Variants in CDH8 observed in about 807,000 individuals in gnomAD.
CDH8 encodes cadherin 8, also known as cadherin-8.
Under a neutral mutation model 68.1 loss-of-function variants are expected in CDH8, and 17 were observed. The ratio of observed to expected loss-of-function variants is 0.25; its 90% confidence interval spans 0.17 to 0.37. The LOEUF is 0.37. Ranked by LOEUF, CDH8 falls within the 10% of genes least tolerant of loss-of-function variation. The pLI is 1.00. For synonymous variants in CDH8, 372 were observed against 365.1 expected (o/e 1.02, Z -0.21); for missense variants, 763 against 999.3 (o/e 0.76, Z 3.19).
intron 8 of CDH8, among the ~76,000 whole-genome samples, chr16:61,762,303 T>C (rs1372215557): frequency 6.6e-6 from 1 of 152,204 alleles, no homozygotes; most frequent in East Asian, 1.9e-4. Flanking sequence ...TATTGTACTA[T>C]ATAGTTTTGT....
At chr16:61,977,798 G>T (rs923422394) in intron 2 of CDH8, among the ~76,000 whole-genome samples, 4 of 152,138 alleles carry the variant, frequency 2.6e-5, no homozygotes. Flanking sequence ...CAACCATGGA[G>T]AAATTGTATT....
chr16:62,007,519 T>C (rs1265296691), intron 2 of CDH8, among the ~76,000 whole-genome samples: 2 of 152,194 alleles, frequency 1.3e-5, no homozygotes, highest in Non-Finnish European at 2.9e-5. Context: ...TTGTTCCGAC[T>C]TCATGCCAAG....
chr16:61,835,312 TA>T (rs1597006482), intron 4 of CDH8, among the ~76,000 whole-genome samples: 1 of 152,020 alleles, frequency 6.6e-6, no homozygotes, highest in East Asian at 1.9e-4. Context: ...ATTCTTAGAC[TA>T]AAAAAACTAC....
At chr16:61,660,028 T>C (rs997240249) in intron 10 of CDH8, among the ~76,000 whole-genome samples, 6 of 152,078 alleles carry the variant, frequency 3.9e-5, no homozygotes, top group Non-Finnish European at 7.4e-5. Context: ...GCCCAAACAA[T>C]TGTAATTCTA....
At chr16:61,694,866 C>T (rs1285752815) in intron 10 of CDH8, among the ~76,000 whole-genome samples, 2 of 152,006 alleles carry the variant, frequency 1.3e-5, no homozygotes, top group Non-Finnish European at 2.9e-5. Context: ...ACTGCAACCT[C>T]CACCTCCTGG....
chr16:62,018,830 AT>A lies in CDH8; in HGVS notation c.252+2321del, dbSNP rs540726299. Among the ~76,000 whole-genome samples the A allele has an allele frequency of 3.6e-3, 546 of 152,332 alleles. 4 individuals carry two copies. Among genetic ancestry groups the A allele is most frequent in the African/African-American group, 0.012 (519 of 41,578 alleles). ...AAGGTTCACTGGCAACATTTCTGTCATTCAGAGAAGCATGAACGTCTCACGT... is the reference window on the plus strand; with the variant it reads ...AAGGTTCACTGGCAACATTTCTGTCATCAGAGAAGCATGAACGTCTCACGT... On this transcript the variant is annotated intron_variant, in intron 2 of 11. Coordinates refer to ENST00000577390, the MANE Select transcript of CDH8 (RefSeq NM_001796.5).
intron 5 of CDH8, 66 bp downstream of exon 5, chr16:61,824,946 T>G: frequency 7.3e-7 from 1 of 1,372,894 alleles, no homozygotes; most frequent in South Asian, 1.3e-5. Flanking sequence ...TCACTAAAAA[T>G]TATAATATAA....
intron 8 of CDH8, among the ~76,000 whole-genome samples, chr16:61,766,077 T>G (rs1197606631): frequency 6.6e-6 from 1 of 151,906 alleles, no homozygotes; most frequent in Non-Finnish European, 1.5e-5. Flanking sequence ...AAGATTTTAG[T>G]GCAACCATCA....
chr16:61,991,381 T>C (rs1965718611), intron 2 of CDH8, among the ~76,000 whole-genome samples: 1 of 152,186 alleles, frequency 6.6e-6, no homozygotes, highest in Admixed American at 6.5e-5. Flanking sequence ...GCATCAGGAA[T>C]GTAAGTGATC....
intron 8 of CDH8, among the ~76,000 whole-genome samples, chr16:61,753,386 T>G (rs1960223598): frequency 6.6e-6 from 1 of 151,984 alleles, no homozygotes; most frequent in Non-Finnish European, 1.5e-5. Flanking sequence ...ACTACAGGCA[T>G]GTGCCACCAC....
intron 8 of CDH8, among the ~76,000 whole-genome samples, chr16:61,733,008 A>G (rs1368054469): frequency 6.6e-6 from 1 of 151,848 alleles, no homozygotes; most frequent in Non-Finnish European, 1.5e-5. Flanking sequence ...ATGAATATAT[A>G]CTTTCACTCC....
intron 4 of CDH8, among the ~76,000 whole-genome samples, chr16:61,849,730 A>G (rs1217059645): frequency 6.6e-6 from 1 of 152,026 alleles, no homozygotes; most frequent in African/African-American, 2.4e-5. Context: ...CAAACTTTCA[A>G]CTCCAAATCC....
chr16:61,858,519 T>C (rs1309984553), intron 3 of CDH8, among the ~76,000 whole-genome samples: 2 of 152,164 alleles, frequency 1.3e-5, no homozygotes, highest in African/African-American at 4.8e-5. Context: ...CTTTACTCAT[T>C]GAATAAATGG....
At chr16:61,987,966 C>G (rs1402283520) in intron 2 of CDH8, among the ~76,000 whole-genome samples, 4 of 152,116 alleles carry the variant, frequency 2.6e-5, no homozygotes, top group Non-Finnish European at 5.9e-5. Flanking sequence ...AATTATGTTT[C>G]TGGTAAATCG....
At chr16:61,726,804 G>A (rs1724629693) in intron 9 of CDH8, 2 of 427,898 alleles carry the variant, frequency 4.7e-6, no homozygotes, top group Non-Finnish European at 8.2e-6. Context: ...GTCACTCTAA[G>A]ACATCTCCTG....
At chr16:61,856,752 C>T (rs977757915) in intron 4 of CDH8, among the ~76,000 whole-genome samples, 8 of 152,128 alleles carry the variant, frequency 5.3e-5, no homozygotes, top group Admixed American at 2.6e-4. Context: ...ACCCATTTTA[C>T]AGATGTGCAA....
intron 4 of CDH8, among the ~76,000 whole-genome samples, chr16:61,830,704 G>A (rs141035181): frequency 2.6e-5 from 4 of 151,764 alleles, no homozygotes; most frequent in East Asian, 2.0e-4. Context: ...CCATTACACC[G>A]GTGCGGCGAC....
Position 61,647,555 on chromosome 16 carries a change from T to A in CDH8, c.*6053A>T. 1 of 475,670 alleles carries A rather than the reference T, an allele frequency of 2.1e-6. No individual in the cohort carries two copies. The highest frequency in any genetic ancestry group is 3.7e-6 in the Non-Finnish European group (1 of 268,030). 29.5% of individuals were successfully genotyped at this position (475,670 alleles called of 1,614,324 possible). ...AAATCTTCCTCTTATTTGTGAGGGA[T>A]CATAGGATGGCCTGAAGTTCTTTGC... On this transcript the variant is annotated 3_prime_UTR_variant, in exon 12 of 12. Transcript: ENST00000577390.
chr16:61,976,244 C>G lies in CDH8; in HGVS notation c.252+44908G>C, dbSNP rs533881752. 2.0e-4 allele frequency among the ~76,000 whole-genome samples: 31 copies of G among 152,326 alleles called. 1 individual carries two copies. In the East Asian group the frequency reaches 6.0e-3, roughly 29 times the overall value. On this transcript the variant is annotated intron_variant, in intron 2 of 11. Transcript: ENST00000577390. ...GTTGCTTAAACTCTCTGACTCTTAG[C>G]TTGCAAAGCAGAAATGAAAAACATT...
Sources: gnomAD v4.1 joint callset for allele counts (sites outside exome capture counted in the v4.1 genomes callset) on GRCh38, gnomAD v4.1.1 for gene constraint, MANE v1.5 for transcripts, NCBI Gene and HGNC (gene_info 2026-07-23, HGNC 2026-07-21) for gene names.